The following GSTCD variants were observed in gnomAD, a reference collection of about 807,000 sequenced individuals.
The protein encoded by GSTCD is glutathione S-transferase C-terminal domain containing.
Under a neutral mutation model 68.3 loss-of-function variants are expected in GSTCD, and 44 were observed. The ratio of observed to expected loss-of-function variants is 0.64; its 90% CI spans 0.51 to 0.83. The LOEUF is 0.83. GSTCD is among the 40% of genes least tolerant of loss of function. GSTCD has a pLI of 0.00. For synonymous variants in GSTCD, 273 were observed against 255.2 expected, an observed-to-expected ratio of 1.07 and a Z score of -0.67; for missense variants, 739 against 735.9, an observed-to-expected ratio of 1.00 and a Z score of -0.05.
rs190872675 is a variant in GSTCD at position 105,720,627 on chromosome 4, T to C, written c.894+1100T>C. On this transcript the variant is annotated intron_variant, in intron 3 of 11. Transcript: ENST00000515279. ...GGAATTGTTTAGATGTTGATTGCTATTTTAAATGCCAGATGTCATATGTCT... is the reference window on the plus strand; with the variant it reads ...GGAATTGTTTAGATGTTGATTGCTACTTTAAATGCCAGATGTCATATGTCT... Among the ~76,000 whole-genome samples the C allele has an allele frequency of 3.9e-5, 6 of 152,314 alleles. No individual in the cohort carries two copies. In the East Asian group the frequency reaches 1.2e-3, roughly 29 times the overall value.
At chr4:105,765,385 G>A (rs1270238032) in intron 5 of GSTCD, among the ~76,000 whole-genome samples, 1 of 152,126 alleles carries the variant, frequency 6.6e-6, no homozygotes, top group Non-Finnish European at 1.5e-5. Flanking sequence ...TTTGCTGTTT[G>A]TTGTTGACCA....
intron 9 of GSTCD, among the ~76,000 whole-genome samples, chr4:105,835,990 C>A (rs1560855063): frequency 6.6e-6 from 1 of 152,084 alleles, no homozygotes; most frequent in Non-Finnish European, 1.5e-5. Flanking sequence ...TGGAAGGAGA[C>A]CCGCAGTGGG....
At chr4:105,713,104 T>G (rs572011386) in intron 1 of GSTCD, among the ~76,000 whole-genome samples, 7 of 152,318 alleles carry the variant, frequency 4.6e-5, no homozygotes, top group Admixed American at 2.0e-4. Context: ...TATCCCATAT[T>G]GTAGGATAAG....
intron 5 of GSTCD, among the ~76,000 whole-genome samples, chr4:105,741,012 T>G (rs930404215): frequency 6.6e-6 from 1 of 152,140 alleles, no homozygotes; most frequent in Non-Finnish European, 1.5e-5. Context: ...TTTTAGGTGT[T>G]TTTTAGATAG....
Position 105,842,111 on chromosome 4 carries a change from T to TA in GSTCD, c.1742_1743insA (p.Pro583ThrfsTer44), listed in dbSNP as rs1479761193. ...TTTGCAGACCAGACAGCTGTCCAGCTCCCACCCCAACGAAGGCTCATAGGT... is the reference window on the plus strand; with the variant it reads ...TTTGCAGACCAGACAGCTGTCCAGCTACCCACCCCAACGAAGGCTCATAGGT... On this transcript the variant is annotated frameshift_variant, in exon 11 of 12. Transcript: ENST00000515279. LOFTEE classifies it high-confidence loss of function. 1.2e-6 allele frequency: 2 copies of TA among 1,613,894 alleles called. No homozygotes were observed. Among genetic ancestry groups the TA allele is most frequent in the Non-Finnish European group, 1.7e-6 (2 of 1,179,932 alleles).
intron 4 of GSTCD, among the ~76,000 whole-genome samples, chr4:105,728,301 A>T (rs1408368857): frequency 2.0e-5 from 3 of 152,188 alleles, no homozygotes; most frequent in East Asian, 1.9e-4. Context: ...TAATATATAT[A>T]TTTTATCTCA....
chr4:105,750,221 T>A (rs1264866477), intron 5 of GSTCD, among the ~76,000 whole-genome samples: 6 of 152,038 alleles, frequency 3.9e-5, no homozygotes, highest in African/African-American at 1.4e-4. Flanking sequence ...CCCAGCACTT[T>A]GAGAGGCCGA....
At chr4:105,772,714 A>T (rs766239501) in intron 5 of GSTCD, among the ~76,000 whole-genome samples, 1 of 152,168 alleles carries the variant, frequency 6.6e-6, no homozygotes, top group Non-Finnish European at 1.5e-5. Flanking sequence ...AGCCAATTTG[A>T]TCATGGTGGA....
intron 5 of GSTCD, among the ~76,000 whole-genome samples, chr4:105,757,221 A>G (rs1276276645): frequency 6.6e-6 from 1 of 152,148 alleles, no homozygotes; most frequent in Non-Finnish European, 1.5e-5. Context: ...ATAACCCTTT[A>G]TTGGAGTCAT....
intron 5 of GSTCD, among the ~76,000 whole-genome samples, chr4:105,800,845 T>C (rs572962379): frequency 1.3e-5 from 2 of 152,318 alleles, no homozygotes; most frequent in Admixed American, 1.3e-4. Context: ...TTTTATCAAC[T>C]GATAGCCTTA....
chr4:105,839,505 C>A (rs1392635930), intron 10 of GSTCD, among the ~76,000 whole-genome samples: 1 of 152,124 alleles, frequency 6.6e-6, no homozygotes, highest in African/African-American at 2.4e-5. Flanking sequence ...TGTGGTGACA[C>A]ACACCTGTAA....
At chr4:105,753,904 C>T (rs1419463492) in intron 5 of GSTCD, among the ~76,000 whole-genome samples, 1 of 151,874 alleles carries the variant, frequency 6.6e-6, no homozygotes, top group African/African-American at 2.4e-5. Flanking sequence ...TTTTAAATAT[C>T]TCACGGTAAG....
chr4:105,720,141 A>C (rs897242219), intron 3 of GSTCD, among the ~76,000 whole-genome samples: 1 of 149,448 alleles, frequency 6.7e-6, no homozygotes, highest in Non-Finnish European at 1.5e-5. Context: ...TTTTCTGAGT[A>C]GGAAGATCTC....
chr4:105,821,007 T>G (rs533279331), intron 5 of GSTCD: 12 of 151,888 alleles, frequency 7.9e-5, no homozygotes, highest in Non-Finnish European at 1.3e-4. Context: ...AAGGAACTGT[T>G]AAGAAATCTA....
At chr4:105,750,241 A>G (rs955804122) in intron 5 of GSTCD, among the ~76,000 whole-genome samples, 2 of 152,142 alleles carry the variant, frequency 1.3e-5, no homozygotes, top group African/African-American at 4.8e-5. Context: ...AGGCGGGCGG[A>G]TGACCTGAGG....
At chr4:105,723,491 T>C (rs1285494423) in intron 3 of GSTCD, among the ~76,000 whole-genome samples, 1 of 151,812 alleles carries the variant, frequency 6.6e-6, no homozygotes, top group Non-Finnish European at 1.5e-5. Flanking sequence ...TTATATTGTA[T>C]TAGGTATTAG....
chr4:105,797,760 C>CTTTTTTTTTTTTTTTTTTTTTTTT (rs70941218), intron 5 of GSTCD, among the ~76,000 whole-genome samples: 1 of 84,954 alleles, frequency 1.2e-5, no homozygotes, highest in African/African-American at 4.7e-5. Context: ...CACAATAGAA[C>CTTTTTTTTTTTTTTTTTTTTTTTT]TTTTTTTTTT....
intron 2 of GSTCD, 52 bp from the exon 3 acceptor site, chr4:105,719,008 T>A (rs1578406725): frequency 7.3e-7 from 1 of 1,361,756 alleles, no homozygotes; most frequent in East Asian, 2.3e-5. Flanking sequence ...TTTCTAAAGT[T>A]ATATTGAAAT....
chr4:105,710,199 C>T (rs72671835), intron 1 of GSTCD, among the ~76,000 whole-genome samples: 7,982 of 145,996 alleles, frequency 0.055, 251 homozygotes, highest in Middle Eastern at 0.14. Context: ...AAACACAGCT[C>T]AAACTTGAGC....
Sources: gnomAD v4.1 joint callset for allele counts (sites outside exome capture counted in the v4.1 genomes callset) on GRCh38, gnomAD v4.1.1 for gene constraint, MANE v1.5 for transcripts, NCBI Gene and HGNC (gene_info 2026-07-23, HGNC 2026-07-21) for gene names.